TSHZ3: variants seen among roughly 807,000 people sequenced by gnomAD.
TSHZ3 encodes the protein teashirt homolog 3.
TSHZ3 carries 10 observed loss-of-function variants against 64.5 expected under a neutral mutation model. That is an observed-to-expected ratio of 0.16 (90% CI 0.10 to 0.26). TSHZ3 has a LOEUF of 0.26. Among genes scored for constraint, TSHZ3 ranks in the 10% least tolerant of loss-of-function variants. The probability of loss-of-function intolerance (pLI) is 1.00; values close to 1 mark genes in which losing one functional copy is unlikely to be tolerated. For missense variants in TSHZ3, 1,242 were observed against 1,421.7 expected, an observed-to-expected ratio of 0.87 and a Z score of 2.03; for synonymous variants, 608 against 593.1, an observed-to-expected ratio of 1.03 and a Z score of -0.36.
intron 1 of TSHZ3, among the ~76,000 whole-genome samples, chr19:31,315,171 C>G (rs529239505): frequency 6.6e-6 from 1 of 152,224 alleles, no homozygotes; most frequent in African/African-American, 2.4e-5. Context: ...TGCTGAAAGG[C>G]GCATTATTTG....
chr19:31,299,225 G>A (rs1455326183), intron 1 of TSHZ3, among the ~76,000 whole-genome samples: 1 of 152,126 alleles, frequency 6.6e-6, no homozygotes, highest in African/African-American at 2.4e-5. Flanking sequence ...ACCGCATGGC[G>A]ACTCTCTCTG....
At chr19:31,237,670 T>A (rs1273411936) in intron 3 of TSHZ3, among the ~76,000 whole-genome samples, 3 of 152,204 alleles carry the variant, frequency 2.0e-5, no homozygotes, top group Non-Finnish European at 4.4e-5. Context: ...TTTTTCTGTC[T>A]ATAAAATAGA....
At chr19:31,165,032 C>T (rs1310946585) in intron 5 of TSHZ3, among the ~76,000 whole-genome samples, 2 of 152,338 alleles carry the variant, frequency 1.3e-5, no homozygotes, top group African/African-American at 2.4e-5. Flanking sequence ...ATGCCAGGGC[C>T]GGCGTTTGTT....
At chr19:31,286,344 A>C (rs899844985) in intron 1 of TSHZ3, among the ~76,000 whole-genome samples, 28 of 152,232 alleles carry the variant, frequency 1.8e-4, no homozygotes, top group African/African-American at 5.8e-4. Context: ...AAAGTTCTAT[A>C]GCCCAACAAC....
chr19:31,240,865 T>G (rs1276422072), intron 3 of TSHZ3, among the ~76,000 whole-genome samples: 1 of 152,172 alleles, frequency 6.6e-6, no homozygotes, highest in Non-Finnish European at 1.5e-5. Context: ...TCCATTCGGT[T>G]GATTTTTTGT....
intron 3 of TSHZ3, among the ~76,000 whole-genome samples, chr19:31,236,602 T>C (rs1466682652): frequency 2.0e-5 from 3 of 152,248 alleles, no homozygotes; most frequent in Non-Finnish European, 4.4e-5. Flanking sequence ...CCTTTCACTC[T>C]GTTTATTTTT....
Position 31,246,303 on chromosome 19 carries a change from A to G in TSHZ3, n.64-3428T>C, listed in dbSNP as rs185438003. 3.9e-4 allele frequency among the ~76,000 whole-genome samples: 60 copies of G among 152,332 alleles called. 2 individuals carry two copies. The East Asian group carries it at 7.5e-3, about 19-fold the overall frequency. ...TGATTAGACCTGAAGGTATGGGTGA[A>G]TGTGGAGGATACAATCTTTCTTACC... On this transcript the variant is annotated intron_variant and non_coding_transcript_variant, in intron 1 of 6. Transcript: ENST00000651361.
chr19:31,210,436 T>A (rs1975247789), intron 4 of TSHZ3, among the ~76,000 whole-genome samples: 1 of 152,134 alleles, frequency 6.6e-6, no homozygotes, highest in Non-Finnish European at 1.5e-5. Flanking sequence ...GAGTTCAGAA[T>A]GCCTCTCCCC....
intron 4 of TSHZ3, among the ~76,000 whole-genome samples, chr19:31,216,447 G>A (rs1450680198): frequency 6.6e-6 from 1 of 151,436 alleles, no homozygotes; most frequent in Non-Finnish European, 1.5e-5. Flanking sequence ...GCTTTCCCAG[G>A]AGGCAGCTTT....
At chr19:31,292,662 T>A (rs1259239270) in intron 1 of TSHZ3, among the ~76,000 whole-genome samples, 1 of 151,948 alleles carries the variant, frequency 6.6e-6, no homozygotes, top group African/African-American at 2.4e-5. Context: ...TACCCATCCA[T>A]CCATCCATCC....
chr19:31,345,123 T>A (rs1397330485), intron 1 of TSHZ3, among the ~76,000 whole-genome samples: 1 of 152,186 alleles, frequency 6.6e-6, no homozygotes, highest in Non-Finnish European at 1.5e-5. Context: ...ACCTCCTTTG[T>A]TTTTCTCCTT....
At chr19:31,202,806 G>A (rs1209640208) in intron 5 of TSHZ3, among the ~76,000 whole-genome samples, 1 of 152,150 alleles carries the variant, frequency 6.6e-6, no homozygotes, top group Non-Finnish European at 1.5e-5. Context: ...AAATTGCCCT[G>A]GCACATCTTT....
At chr19:31,231,455 A>T (rs941935282) in intron 3 of TSHZ3, among the ~76,000 whole-genome samples, 2 of 152,178 alleles carry the variant, frequency 1.3e-5, no homozygotes, top group East Asian at 1.9e-4. Context: ...TCAGCCTCGT[A>T]TTATGTAGCC....
chr19:31,217,183 GGGCAGAGACAGCTAGT>G (rs1351830032), intron 4 of TSHZ3, among the ~76,000 whole-genome samples: 9 of 152,198 alleles, frequency 5.9e-5, no homozygotes, highest in Non-Finnish European at 4.4e-5. Flanking sequence ...TGGGGTTAAG[GGGCAGAGACAGCTAGT>G]GGCAGAATGT....
In TSHZ3 at chr19:31,278,287, G is replaced by A. The variant is rs1364217958; in HGVS notation, c.1506C>T (p.Ser502=). The part of the protein sequence containing the change: ...GEEEEKCDIS[S]KYHYLTENDL... ...CATTTTCAGTCAAGTAATGGTATTT[G>A]GAAGAGATGTCACACTTCTCCTCTT... Residue 502 remains serine, a synonymous_variant, in exon 2 of 2, where the codon TCC becomes TCT. Coordinates refer to ENST00000240587, the MANE Select transcript of TSHZ3 (RefSeq NM_020856.4). This position sits in a 1 kb window ranked among gnomAD's most constrained non-coding sequence, Gnocchi z 4.7. The A allele has an allele frequency of 6.2e-7, 1 of 1,614,170 alleles. No individual in the cohort carries two copies. The highest frequency in any genetic ancestry group is 1.1e-5 in the South Asian group (1 of 91,088).
chr19:31,152,419 G>C (rs1248805319), intron 6 of TSHZ3, among the ~76,000 whole-genome samples: 1 of 152,142 alleles, frequency 6.6e-6, no homozygotes, highest in Non-Finnish European at 1.5e-5. Context: ...AAGGGGTGAG[G>C]TGGGAGGATT....
chr19:31,258,360 A>G (rs1400928800), intron 1 of TSHZ3, among the ~76,000 whole-genome samples: 1 of 152,200 alleles, frequency 6.6e-6, no homozygotes, highest in Non-Finnish European at 1.5e-5. Flanking sequence ...GGCCTCAGCC[A>G]CAGGACATGG....
chr19:31,229,770 G>T (rs1482628742), intron 3 of TSHZ3, among the ~76,000 whole-genome samples: 2 of 152,140 alleles, frequency 1.3e-5, no homozygotes, highest in African/African-American at 4.8e-5. Context: ...GACATGATTA[G>T]AAAATTCACA....
intron 1 of TSHZ3, among the ~76,000 whole-genome samples, chr19:31,245,414 G>A (rs1975747695): frequency 6.6e-6 from 1 of 152,156 alleles, no homozygotes; most frequent in South Asian, 2.1e-4. Context: ...GAAACAAGAA[G>A]CTGCTCTTAA....
Sources: allele counts gnomAD v4.1 joint callset (sites outside exome capture counted in the v4.1 genomes callset), GRCh38; gene constraint gnomAD v4.1.1; non-coding constraint Gnocchi (gnomAD v3.1); transcripts MANE v1.5; gene names NCBI Gene and HGNC (gene_info 2026-07-23, HGNC 2026-07-21).